HLCS: variants seen among roughly 807,000 people sequenced by gnomAD.
HLCS encodes holocarboxylase synthetase.
A neutral mutation model predicts 75.0 loss-of-function variants in HLCS; 53 were observed. That is an observed-to-expected ratio of 0.71 (90% CI 0.57 to 0.89). HLCS has a LOEUF of 0.89. Among genes scored for constraint, HLCS ranks in the 40% least tolerant of loss-of-function variants. The pLI, the probability that HLCS is intolerant of heterozygous loss-of-function variation, is 0.00. For synonymous variants in HLCS, 431 were observed against 428.6 expected, an observed-to-expected ratio of 1.01 and a Z score of -0.07; for missense variants, 966 against 1,074.0, an observed-to-expected ratio of 0.90 and a Z score of 1.41.
chr21:36,921,592 T>C (rs930710976), intron 5 of HLCS, among the ~76,000 whole-genome samples: 10 of 152,130 alleles, frequency 6.6e-5, no homozygotes, highest in African/African-American at 2.4e-4. Context: ...AAACTGACAA[T>C]GGTCCTATGA....
At chr21:36,793,055 C>T (rs78684506) in intron 6 of HLCS, among the ~76,000 whole-genome samples, 4,633 of 152,304 alleles carry the variant, frequency 0.03, 127 homozygotes, top group African/African-American at 0.067. Context: ...CCAAGCTTTG[C>T]AGTTGGACTT....
At chr21:36,852,348 T>G (rs10451759) in intron 6 of HLCS, among the ~76,000 whole-genome samples, 72,766 of 151,798 alleles carry the variant, frequency 0.48, 18,636 homozygotes, top group African/African-American at 0.67. Flanking sequence ...AACATTACCA[T>G]GGAGCCCCTC....
rs537516779 is a variant in HLCS, at chr21:36,872,323, G to A, written c.1892+24537C>T. Among the ~76,000 whole-genome samples the A allele has an allele frequency of 1.9e-3, 287 of 150,670 alleles. 3 individuals carry two copies. The highest frequency in any genetic ancestry group is 6.3e-3 in the African/African-American group (260 of 41,114). On this transcript the variant is annotated intron_variant, in intron 6 of 10. Transcript: ENST00000674895. ...CTGTAGTCCCAGCTACTCGGGAGGCGGAGTTTGCAGTGAGCCGAGATCGCA... is the reference window on the plus strand; with the variant it reads ...CTGTAGTCCCAGCTACTCGGGAGGCAGAGTTTGCAGTGAGCCGAGATCGCA...
At chr21:36,833,910 G>A (rs529764572) in intron 6 of HLCS, among the ~76,000 whole-genome samples, 1 of 152,336 alleles carries the variant, frequency 6.6e-6, no homozygotes, top group South Asian at 2.1e-4. Flanking sequence ...CAACTGCCCG[G>A]ATTGAAGAGG....
intron 6 of HLCS, among the ~76,000 whole-genome samples, chr21:36,877,630 A>G (rs938811369): frequency 2.6e-5 from 4 of 152,128 alleles, no homozygotes; most frequent in African/African-American, 9.7e-5. Context: ...TTAGGTAGAT[A>G]TATGTGTGTT....
intron 6 of HLCS, among the ~76,000 whole-genome samples, chr21:36,819,282 C>A (rs1448272503): frequency 6.6e-6 from 1 of 152,188 alleles, no homozygotes; most frequent in African/African-American, 2.4e-5. Context: ...TCAGGTCCAG[C>A]AGAAGGGTTC....
At chr21:36,900,457 G>T (rs574225506) in intron 5 of HLCS, among the ~76,000 whole-genome samples, 1 of 152,314 alleles carries the variant, frequency 6.6e-6, no homozygotes, top group East Asian at 1.9e-4. Context: ...GCCGGGGCCA[G>T]AAAGGCAGAG....
At chr21:36,864,729 GATGA>G (rs1448819334) in intron 6 of HLCS, among the ~76,000 whole-genome samples, 2 of 152,082 alleles carry the variant, frequency 1.3e-5, no homozygotes, top group East Asian at 1.9e-4. Context: ...CTTTTAAAAA[GATGA>G]ATGGGCCTTT....
chr21:36,927,841 GA>G (rs1486026476), intron 5 of HLCS, among the ~76,000 whole-genome samples: 1 of 152,200 alleles, frequency 6.6e-6, no homozygotes, highest in Admixed American at 6.5e-5. Context: ...CCCAGCAACA[GA>G]GTGTCTTGCA....
chr21:36,857,886 T>G (rs1161568657), intron 6 of HLCS, among the ~76,000 whole-genome samples: 1 of 152,058 alleles, frequency 6.6e-6, no homozygotes, highest in Non-Finnish European at 1.5e-5. Flanking sequence ...CCCTCCCAGG[T>G]TCAAGTGATT....
intron 5 of HLCS, among the ~76,000 whole-genome samples, chr21:36,902,544 C>A (rs1383093696): frequency 2.0e-5 from 3 of 152,232 alleles, no homozygotes; most frequent in African/African-American, 7.2e-5. Flanking sequence ...TCCCACCCTG[C>A]TCCACAGCTG....
intron 6 of HLCS, among the ~76,000 whole-genome samples, chr21:36,787,156 C>T (rs2060712123): frequency 6.6e-6 from 1 of 152,254 alleles, no homozygotes; most frequent in Admixed American, 6.5e-5. Context: ...CACCAGGCCA[C>T]GCGTGAGCAT....
chr21:36,894,228 C>T (rs1286890797), intron 6 of HLCS, among the ~76,000 whole-genome samples: 2 of 152,218 alleles, frequency 1.3e-5, no homozygotes, highest in Non-Finnish European at 2.9e-5. Context: ...CCTCCCCAGC[C>T]ATGCTTCCTG....
At chr21:36,960,140 C>CGG (rs1269851849) in intron 2 of HLCS, among the ~76,000 whole-genome samples, 47 of 100,622 alleles carry the variant, frequency 4.7e-4, no homozygotes, top group South Asian at 2.0e-3. Flanking sequence ...CACCCCCCCC[C>CGG]CCCCCGACCC....
chr21:36,968,035 T>A (rs1445558139), upstream of HLCS, among the ~76,000 whole-genome samples: 1 of 152,124 alleles, frequency 6.6e-6, no homozygotes, highest in Non-Finnish European at 1.5e-5. Context: ...AGATTTTTTT[T>A]AAGAGACAAG....
intron 6 of HLCS, among the ~76,000 whole-genome samples, chr21:36,809,713 T>C (rs960768363): frequency 6.6e-6 from 1 of 152,176 alleles, no homozygotes; most frequent in Non-Finnish European, 1.5e-5. Flanking sequence ...AGTGAGCATA[T>C]ATCATGTTAT....
At chr21:36,880,054 T>C (rs2146266495) in intron 6 of HLCS, among the ~76,000 whole-genome samples, 1 of 152,248 alleles carries the variant, frequency 6.6e-6, no homozygotes, top group Non-Finnish European at 1.5e-5. Flanking sequence ...CTGCCAGAGT[T>C]TGGACAGACA....
rs765176885 is a variant in HLCS, at chr21:36,930,278, A to G, written c.1593T>C (p.Thr531=). Residue 531 remains threonine (T), a synonymous_variant, in exon 5 of 11, where the codon ACT becomes ACC. Transcript: ENST00000674895. The stretch of plus-strand genomic sequence containing the variant: ...CCGCAGCTGACAGCAAGTAAAGAGG[A>G]GTTAAGGCAGGAACTTGTTTCATGT... ...SCDMKQVPAL[T]PLYLLSAAEE... 6.2e-7 allele frequency: 1 copy of G among 1,614,176 alleles called. No individual in the cohort carries two copies. The highest frequency in any genetic ancestry group is 8.5e-7 in the Non-Finnish European group (1 of 1,180,020).
chr21:36,898,035 G>A (rs993085858), intron 5 of HLCS, among the ~76,000 whole-genome samples: 1 of 152,202 alleles, frequency 6.6e-6, no homozygotes, highest in African/African-American at 2.4e-5. Context: ...TGGCTACAGA[G>A]TAGTGGCATC....
Sources: allele counts gnomAD v4.1 joint callset (sites outside exome capture counted in the v4.1 genomes callset), GRCh38; gene constraint gnomAD v4.1.1; transcripts MANE v1.5; gene names NCBI Gene and HGNC (gene_info 2026-07-23, HGNC 2026-07-21).